FRZB: variants seen among roughly 807,000 people sequenced by gnomAD.
FRZB encodes secreted frizzled-related protein 3.
Under a neutral mutation model 32.5 loss-of-function variants are expected in FRZB, and 34 were observed. The observed-to-expected ratio is 1.05, with a 90% CI of 0.80 to 1.39. The LOEUF is 1.39. Ranked by LOEUF, FRZB falls within the 40% of genes most tolerant of loss-of-function variation. FRZB has a pLI of 0.00. For missense variants in FRZB, 423 were observed against 424.8 expected (o/e 1.00, Z 0.04); for synonymous variants, 170 against 159.2 (o/e 1.07, Z -0.51).
intron 2 of FRZB, among the ~76,000 whole-genome samples, chr2:182,853,954 T>C (rs1219563411): frequency 6.6e-6 from 1 of 152,160 alleles, no homozygotes. Flanking sequence ...TGTACCACAT[T>C]CAATGATAGA....
At chr2:182,862,908 G>A (rs933336857) in intron 1 of FRZB, among the ~76,000 whole-genome samples, 1 of 151,842 alleles carries the variant, frequency 6.6e-6, no homozygotes, top group Admixed American at 6.6e-5. Flanking sequence ...TAGCTGGGAC[G>A]ACAGGCACGC....
intron 1 of FRZB, among the ~76,000 whole-genome samples, chr2:182,864,146 A>T (rs1198646086): frequency 6.6e-6 from 1 of 152,240 alleles, no homozygotes; most frequent in Non-Finnish European, 1.5e-5. Flanking sequence ...AACTGTTTCC[A>T]TGTTTGTTCC....
chr2:182,842,085 A>G (rs1272752943), intron 3 of FRZB, among the ~76,000 whole-genome samples: 1 of 152,190 alleles, frequency 6.6e-6, no homozygotes, highest in Non-Finnish European at 1.5e-5. Context: ...GTCTTTTAAC[A>G]GTTCCTTATG....
intron 1 of FRZB, 74 bp downstream of exon 1, chr2:182,865,992 TAGAGAGTAA>T: frequency 9.4e-7 from 1 of 1,064,986 alleles, no homozygotes; most frequent in Non-Finnish European, 1.4e-6. Context: ...AGAAAAAAAT[TAGAGAGTAA>T]AGGCTAGTAA....
intron 1 of FRZB, among the ~76,000 whole-genome samples, chr2:182,859,475 G>A (rs1278450010): frequency 1.3e-5 from 2 of 152,148 alleles, no homozygotes; most frequent in African/African-American, 4.8e-5. Flanking sequence ...TAAGAAAGCA[G>A]CCTCTAATGA....
chr2:182,840,335 A>C (rs994663280), intron 3 of FRZB, among the ~76,000 whole-genome samples: 1 of 152,116 alleles, frequency 6.6e-6, no homozygotes, highest in African/African-American at 2.4e-5. Context: ...CAACTATTAG[A>C]GATTAGTGAA....
intron 2 of FRZB, among the ~76,000 whole-genome samples, chr2:182,853,287 T>C (rs1306644202): frequency 6.6e-6 from 1 of 152,228 alleles, no homozygotes; most frequent in Non-Finnish European, 1.5e-5. Context: ...TGTATATTGT[T>C]GATAGTGTTG....
intron 2 of FRZB, among the ~76,000 whole-genome samples, chr2:182,853,046 T>C (rs1373336995): frequency 6.6e-6 from 1 of 152,198 alleles, no homozygotes; most frequent in Non-Finnish European, 1.5e-5. Context: ...AGCTGTTACA[T>C]TTCTCCAAAG....
intron 2 of FRZB, among the ~76,000 whole-genome samples, chr2:182,851,224 G>A (rs146602021): frequency 1.1e-4 from 16 of 152,190 alleles, no homozygotes; most frequent in African/African-American, 3.4e-4. Context: ...CTTTTTGGCA[G>A]GACAAATCAT....
Position 182,838,471 on chromosome 2 carries a change from G to T in FRZB, c.735C>A (p.Cys245Ter), listed in dbSNP as rs1470259688. 6.2e-7 allele frequency: 1 copy of T among 1,612,934 alleles called. No homozygotes were observed. Among genetic ancestry groups the T allele is most frequent in the South Asian group, 1.1e-5 (1 of 91,058 alleles). ...ATTCCTCATTAACATTAAGTGGAGG[G>T]CAGAGGCAGCCAGAGCTGGTATAGA... ...VNLYTSSGCL[C>*]PPLNVNEEYI... The change falls in exon 4 of 6, where the codon TGC becomes TGA. Residue 245 changes from cysteine (C) to a stop codon, truncating the protein, a stop_gained. Coordinates refer to ENST00000295113, the MANE Select transcript of FRZB (RefSeq NM_001463.4). LOFTEE classifies it high-confidence loss of function.
intron 2 of FRZB, among the ~76,000 whole-genome samples, chr2:182,854,505 G>C (rs546792114): frequency 1.3e-5 from 2 of 152,280 alleles, no homozygotes; most frequent in South Asian, 2.1e-4. Flanking sequence ...CTGTATCGTA[G>C]AGGCAAGCAT....
chr2:182,846,586 A>G (rs1247598245), intron 2 of FRZB, among the ~76,000 whole-genome samples: 1 of 152,206 alleles, frequency 6.6e-6, no homozygotes, highest in Non-Finnish European at 1.5e-5. Flanking sequence ...AGTTTAAATC[A>G]TTTTAATTTT....
At chr2:182,861,915 A>C (rs1240497257) in intron 1 of FRZB, among the ~76,000 whole-genome samples, 1 of 152,232 alleles carries the variant, frequency 6.6e-6, no homozygotes, top group Non-Finnish European at 1.5e-5. Flanking sequence ...AAATACTACT[A>C]ACATAACACT....
intron 3 of FRZB, among the ~76,000 whole-genome samples, chr2:182,839,271 T>C (rs993577453): frequency 2.0e-5 from 3 of 152,070 alleles, no homozygotes; most frequent in African/African-American, 7.2e-5. Context: ...GTGGGCTACA[T>C]TTTCTTCTTT....
At chr2:182,849,228 AAAT>A (rs1695683791) in intron 2 of FRZB, among the ~76,000 whole-genome samples, 1 of 11,544 alleles carries the variant, frequency 8.7e-5, no homozygotes, top group South Asian at 2.0e-3. Context: ...CTCCGTCTCA[AAAT>A]AAATAAATAA....
chr2:182,856,349 A>C (rs1695769419), intron 2 of FRZB, among the ~76,000 whole-genome samples: 2 of 151,922 alleles, frequency 1.3e-5, no homozygotes, highest in South Asian at 2.1e-4. Flanking sequence ...ATATATATAT[A>C]TCTCACATAC....
chr2:182,843,923 C>G (rs541502913), intron 2 of FRZB, among the ~76,000 whole-genome samples: 1 of 151,124 alleles, frequency 6.6e-6, no homozygotes, highest in African/African-American at 2.4e-5. Context: ...AGAGTAAGAC[C>G]CCGTCTCAAA....
At position 182,866,596 on chromosome 2, in the gene FRZB, C is replaced by A; in HGVS notation, c.-44G>T. ...CAGGGTGCAGCCGCGCAGTGGACGCCAAAAGGCCCGCTCCGCCGTCTCCGC... is the reference window on the plus strand; with the variant it reads ...CAGGGTGCAGCCGCGCAGTGGACGCAAAAAGGCCCGCTCCGCCGTCTCCGC... On this transcript the variant is annotated 5_prime_UTR_variant, in exon 1 of 6. Transcript: ENST00000295113. This position sits in a 1 kb window ranked among gnomAD's most constrained non-coding sequence, Gnocchi z 4.5. 3.8e-6 allele frequency: 5 copies of A among 1,326,988 alleles called. No individual in the cohort carries two copies. Among genetic ancestry groups the A allele is most frequent in the Non-Finnish European group, 5.0e-6 (5 of 1,009,336 alleles). 82.2% of individuals were successfully genotyped at this position (1,326,988 alleles called of 1,614,324 possible).
intron 2 of FRZB, among the ~76,000 whole-genome samples, chr2:182,849,195 C>G (rs1316453925): frequency 6.6e-6 from 1 of 151,622 alleles, no homozygotes; most frequent in Non-Finnish European, 1.5e-5. Flanking sequence ...CCACTGCACT[C>G]CAGCCTGGGC....
Sources: allele counts gnomAD v4.1 joint callset (sites outside exome capture counted in the v4.1 genomes callset), GRCh38; gene constraint gnomAD v4.1.1; non-coding constraint Gnocchi (gnomAD v3.1); transcripts MANE v1.5; gene names NCBI Gene and HGNC (gene_info 2026-07-23, HGNC 2026-07-21).